C1orf21: variants seen among roughly 807,000 people sequenced by gnomAD.
C1orf21 encodes uncharacterized protein C1orf21.
A neutral mutation model predicts 18.7 loss-of-function variants in C1orf21; 3 were observed. The ratio of observed to expected loss-of-function variants is 0.16; its 90% CI spans 0.07 to 0.42. The LOEUF (loss-of-function observed/expected upper bound fraction) is 0.42. C1orf21 is among the 10% of genes least tolerant of loss of function. The pLI is 0.99. For synonymous variants in C1orf21, 41 were observed against 46.4 expected (o/e 0.88, Z 0.47); for missense variants, 104 against 143.6 (o/e 0.72, Z 1.41).
In C1orf21 at chr1:184,419,548, C is replaced by A. The variant is rs1473143596; in HGVS notation, c.-125+32180C>A. On this transcript the variant is annotated intron_variant, in intron 1 of 5. Coordinates refer to ENST00000235307, the MANE Select transcript of C1orf21 (RefSeq NM_030806.4). ...AATGCAAATCTCAGCCCTCGAGGAG[C>A]ATATACTTTAGAACTGGAGGAAACA... is the stretch of plus-strand genomic sequence containing the variant. Among the ~76,000 whole-genome samples the A allele has an allele frequency of 1.1e-4, 17 of 151,960 alleles. No individual in the cohort carries two copies. The East Asian group carries it at 3.3e-3, about 29-fold the overall frequency.
At chr1:184,559,014 A>G (rs1394525119) in intron 3 of C1orf21, among the ~76,000 whole-genome samples, 1 of 152,110 alleles carries the variant, frequency 6.6e-6, no homozygotes, top group African/African-American at 2.4e-5. Context: ...GTTGCTTGAT[A>G]TTTTCTGAGC....
intron 4 of C1orf21, among the ~76,000 whole-genome samples, chr1:184,596,058 C>T (rs1281131164): frequency 6.6e-6 from 1 of 152,144 alleles, no homozygotes; most frequent in Non-Finnish European, 1.5e-5. Context: ...ATAGGGATCC[C>T]GACCCTGTGA....
intron 1 of C1orf21, among the ~76,000 whole-genome samples, chr1:184,394,412 T>G (rs1656018396): frequency 1.3e-5 from 2 of 152,348 alleles, no homozygotes; most frequent in East Asian, 1.9e-4. Context: ...AGAAGTTGAT[T>G]GTTTTCACTG....
At chr1:184,467,765 A>G (rs1657424722) in intron 1 of C1orf21, among the ~76,000 whole-genome samples, 1 of 152,224 alleles carries the variant, frequency 6.6e-6, no homozygotes, top group African/African-American at 2.4e-5. Flanking sequence ...TAATGACAAT[A>G]GCTATCTCTT....
intron 2 of C1orf21, among the ~76,000 whole-genome samples, chr1:184,485,932 G>A (rs577578413): frequency 2.8e-4 from 42 of 152,282 alleles, no homozygotes; most frequent in African/African-American, 9.1e-4. Flanking sequence ...AGTGTTTGAC[G>A]GATTTGTGAT....
At chr1:184,519,648 C>G (rs1355776158) in intron 3 of C1orf21, among the ~76,000 whole-genome samples, 1 of 152,198 alleles carries the variant, frequency 6.6e-6, no homozygotes, top group Non-Finnish European at 1.5e-5. Context: ...GTTCAGATTT[C>G]TCTCTTATTC....
At chr1:184,417,082 T>G (rs1303147260) in intron 1 of C1orf21, among the ~76,000 whole-genome samples, 1 of 151,836 alleles carries the variant, frequency 6.6e-6, no homozygotes, top group Non-Finnish European at 1.5e-5. Flanking sequence ...TCTTGTGGGG[T>G]GTGTGTGTGT....
chr1:184,561,421 A>C (rs1192445267), intron 3 of C1orf21, among the ~76,000 whole-genome samples: 1 of 152,232 alleles, frequency 6.6e-6, no homozygotes, highest in African/African-American at 2.4e-5. Flanking sequence ...GTGTGCTGTC[A>C]GTGATGAGAT....
At chr1:184,398,616 A>G (rs1474419768) in intron 1 of C1orf21, among the ~76,000 whole-genome samples, 4 of 152,212 alleles carry the variant, frequency 2.6e-5, no homozygotes, top group African/African-American at 7.2e-5. Context: ...CATAGAGTGT[A>G]CTTACACAAA....
rs1659895174 is a variant in C1orf21, at chr1:184,620,196, A to T, written c.*640A>T. 1 of 152,684 alleles carries T rather than the reference A, an allele frequency of 6.5e-6. No individual in the cohort carries two copies. The highest frequency in any genetic ancestry group is 1.5e-5 in the Non-Finnish European group (1 of 68,046). The allele number at this position is 152,684 out of a possible 1,614,324, so 9.5% of individuals were successfully genotyped here. ...TGGCAGGTTGTTTGATTTAATAGGT[A>T]TCTTAATCAAGAATTAAGCTTGCAA... On this transcript the variant is annotated 3_prime_UTR_variant, in exon 6 of 6. Coordinates refer to ENST00000235307, the MANE Select transcript of C1orf21 (RefSeq NM_030806.4).
At chr1:184,453,168 T>C (rs1657147839) in intron 1 of C1orf21, among the ~76,000 whole-genome samples, 1 of 152,184 alleles carries the variant, frequency 6.6e-6, no homozygotes, top group Non-Finnish European at 1.5e-5. Flanking sequence ...AGAGTTGTGC[T>C]CTAGCCAAGC....
rs1048987498 is a variant in C1orf21 at position 184,426,003 on chromosome 1, T to A, written c.-125+38635T>A. Reference sequence around the variant, plus strand: ...TCAATTGGGTCTTTGATATTGGCCATCCCACCCAGATTTATGTACTCAGCA... The same window carrying A: ...TCAATTGGGTCTTTGATATTGGCCAACCCACCCAGATTTATGTACTCAGCA... On this transcript the variant is annotated intron_variant, in intron 1 of 5. Transcript: ENST00000235307. Among the ~76,000 whole-genome samples, 6 of 152,326 alleles carry A rather than the reference T, an allele frequency of 3.9e-5. No individual in the cohort carries two copies. In the South Asian group the frequency reaches 1.2e-3, roughly 32 times the overall value.
chr1:184,534,346 AT>A (rs1336686285), intron 3 of C1orf21, among the ~76,000 whole-genome samples: 2 of 152,122 alleles, frequency 1.3e-5, no homozygotes, highest in Non-Finnish European at 2.9e-5. Flanking sequence ...TGGAATTTAG[AT>A]TTTCATTTTG....
chr1:184,404,672 A>C (rs1309792754), intron 1 of C1orf21, among the ~76,000 whole-genome samples: 2 of 152,232 alleles, frequency 1.3e-5, no homozygotes, highest in African/African-American at 4.8e-5. Context: ...CATTCAAACC[A>C]TAGCAAGGCC....
chr1:184,557,617 A>G (rs1424363740), intron 3 of C1orf21, among the ~76,000 whole-genome samples: 1 of 152,158 alleles, frequency 6.6e-6, no homozygotes, highest in African/African-American at 2.4e-5. Context: ...TCCATGGTAT[A>G]TACATACCAC....
At chr1:184,594,334 A>G (rs1262367599) in intron 4 of C1orf21, among the ~76,000 whole-genome samples, 3 of 152,152 alleles carry the variant, frequency 2.0e-5, no homozygotes, top group South Asian at 2.1e-4. Context: ...CTTTACCCCA[A>G]CCCTCTCAGG....
chr1:184,570,323 AAT>A (rs1340595389), intron 3 of C1orf21, among the ~76,000 whole-genome samples: 2 of 152,134 alleles, frequency 1.3e-5, no homozygotes, highest in African/African-American at 4.8e-5. Context: ...AATTATGTTA[AAT>A]ATGCTGAAAT....
chr1:184,547,420 CTTTTTTT>C (rs34169321), intron 3 of C1orf21, among the ~76,000 whole-genome samples: 1 of 102,966 alleles, frequency 9.7e-6, no homozygotes, highest in Non-Finnish European at 1.9e-5. Context: ...TACATCCAGA[CTTTTTTT>C]TTTTTTTTTT....
chr1:184,554,144 G>C (rs570957508), intron 3 of C1orf21, among the ~76,000 whole-genome samples: 4 of 152,258 alleles, frequency 2.6e-5, no homozygotes, highest in African/African-American at 7.2e-5. Flanking sequence ...GAGACAGACT[G>C]TATACCAATA....
Sources: gnomAD v4.1 joint callset for allele counts (sites outside exome capture counted in the v4.1 genomes callset) on GRCh38, gnomAD v4.1.1 for gene constraint, MANE v1.5 for transcripts, NCBI Gene and HGNC (gene_info 2026-07-23, HGNC 2026-07-21) for gene names.